The following MAPRE2 variants were observed in gnomAD, a reference collection of about 807,000 sequenced individuals.
MAPRE2 encodes the protein microtubule-associated protein RP/EB family member 2.
Under a neutral mutation model 43.2 loss-of-function variants are expected in MAPRE2, and 13 were observed. The ratio of observed to expected loss-of-function variants is 0.30; its 90% CI spans 0.20 to 0.48. The LOEUF (loss-of-function observed/expected upper bound fraction) is 0.48. Ranked by LOEUF, MAPRE2 falls within the 20% of genes least tolerant of loss-of-function variation. The pLI is 0.99. For missense variants in MAPRE2, 161 were observed against 400.2 expected, an observed-to-expected ratio of 0.40 and a Z score of 5.10; for synonymous variants, 135 against 148.8, an observed-to-expected ratio of 0.91 and a Z score of 0.68.
At chr18:35,073,748 A>G (rs1225408236) in intron 2 of MAPRE2, among the ~76,000 whole-genome samples, 1 of 152,222 alleles carries the variant, frequency 6.6e-6, no homozygotes, top group African/African-American at 2.4e-5. Flanking sequence ...GTGAAGAGCT[A>G]AAAGATTGCC....
At chr18:34,986,486 A>C (rs1477450822) in intron 1 of MAPRE2, among the ~76,000 whole-genome samples, 1 of 152,174 alleles carries the variant, frequency 6.6e-6, no homozygotes, top group African/African-American at 2.4e-5. Context: ...TTCCCGGGAA[A>C]GACGCTATTG....
chr18:35,080,549 A>C (rs1907583344), intron 2 of MAPRE2, among the ~76,000 whole-genome samples: 1 of 152,238 alleles, frequency 6.6e-6, no homozygotes, highest in African/African-American at 2.4e-5. Flanking sequence ...CTGAAATATT[A>C]GCAGGCATCT....
chr18:35,032,264 G>A (rs1469601806), intron 2 of MAPRE2, among the ~76,000 whole-genome samples: 4 of 152,254 alleles, frequency 2.6e-5, no homozygotes, highest in Admixed American at 1.3e-4. Context: ...AGGAAGCCCC[G>A]ATCTAAGGTG....
Position 35,043,135 on chromosome 18 carries a change from CT to C in MAPRE2, c.122+1477del, listed in dbSNP as rs570541790. Among the ~76,000 whole-genome samples the C allele has an allele frequency of 5.7e-4, 87 of 152,310 alleles. No individual in the cohort carries two copies. In the South Asian group the frequency reaches 6.2e-3, roughly 11 times the overall value. On this transcript the variant is annotated intron_variant, in intron 1 of 6. Transcript: ENST00000300249. ...TTCCTCCACAACTTCTGGAGATATC[CT>C]TTCAGAGACCCTGTGATTGGAAATT...
intron 2 of MAPRE2, among the ~76,000 whole-genome samples, chr18:35,075,467 G>A (rs549172712): frequency 4.3e-4 from 66 of 152,230 alleles, no homozygotes; most frequent in Non-Finnish European, 7.6e-4. Context: ...TGGCTCTCTG[G>A]TATTGAAACC....
chr18:34,991,240 C>A (rs2097023618), intron 1 of MAPRE2, among the ~76,000 whole-genome samples: 1 of 152,130 alleles, frequency 6.6e-6, no homozygotes, highest in Admixed American at 6.5e-5. Context: ...TCCCCAGTGT[C>A]CATTGTTCCC....
At chr18:35,063,142 C>T (rs1214672307) in intron 1 of MAPRE2, among the ~76,000 whole-genome samples, 2 of 151,778 alleles carry the variant, frequency 1.3e-5, no homozygotes, top group Non-Finnish European at 2.9e-5. Context: ...CTCACTCTGT[C>T]GCCCAGGCCG....
intron 2 of MAPRE2, among the ~76,000 whole-genome samples, chr18:35,091,729 T>TAA (rs561272015): frequency 7.0e-6 from 1 of 143,848 alleles, no homozygotes; most frequent in African/African-American, 2.6e-5. Context: ...CATCTGTATT[T>TAA]AAAAAAAAAA....
chr18:35,001,685 A>G (rs1603388739), intron 1 of MAPRE2, among the ~76,000 whole-genome samples: 1 of 152,158 alleles, frequency 6.6e-6, no homozygotes, highest in African/African-American at 2.4e-5. Flanking sequence ...GAACATTGGC[A>G]GTGGTTTCTG....
At chr18:34,977,609 C>T (rs938999788) in intron 1 of MAPRE2, among the ~76,000 whole-genome samples, 5 of 152,224 alleles carry the variant, frequency 3.3e-5, no homozygotes, top group Non-Finnish European at 5.9e-5. Flanking sequence ...TGGGAGCATC[C>T]CCTGGACCCC....
intron 1 of MAPRE2, among the ~76,000 whole-genome samples, chr18:35,060,660 T>TAACAA (rs1324236928): frequency 7.2e-5 from 11 of 152,216 alleles, no homozygotes; most frequent in African/African-American, 2.7e-4. Flanking sequence ...ATTGACTTGT[T>TAACAA]AAGTCTGAGT....
intron 2 of MAPRE2, among the ~76,000 whole-genome samples, chr18:35,033,330 C>G (rs2097048742): frequency 6.6e-6 from 1 of 151,928 alleles, no homozygotes; most frequent in Non-Finnish European, 1.5e-5. Flanking sequence ...GCTAAAAACT[C>G]TCAATAAATT....
At position 34,987,245 on chromosome 18, in the gene MAPRE2, G is replaced by A. The variant is rs901565939; in HGVS notation, c.-70+10166G>A. Among the ~76,000 whole-genome samples the A allele has an allele frequency of 6.6e-5, 10 of 152,142 alleles. No individual in the cohort carries two copies. The East Asian group carries it at 1.5e-3, about 23-fold the overall frequency. On this transcript the variant is annotated intron_variant, in intron 1 of 7. Coordinates refer to the MAPRE2 transcript ENST00000413393. The stretch of plus-strand genomic sequence containing the variant: ...GGGCTAACATGAGAAATCCATCAAC[G>A]ATGTCAACAGTATGTTCCTAATCAA...
chr18:35,067,685 G>A lies in MAPRE2; in HGVS notation c.123-2510G>A, dbSNP rs144628590. Among the ~76,000 whole-genome samples the A allele has an allele frequency of 3.3e-3, 504 of 152,246 alleles. 4 individuals are homozygous for A. Among genetic ancestry groups the A allele is most frequent in the African/African-American group, 0.012 (479 of 41,556 alleles). On this transcript the variant is annotated intron_variant, in intron 1 of 6. Coordinates refer to ENST00000300249, the MANE Select transcript of MAPRE2 (RefSeq NM_014268.4). ...CAGTACATTGCCCGGTAATGCAGAA[G>A]CTTTCCATTACTGCCTGAAGAAGAA...
chr18:35,131,781 G>A, intron 5 of MAPRE2: 1 of 461,240 alleles, frequency 2.2e-6, no homozygotes, highest in Non-Finnish European at 3.9e-6. Flanking sequence ...CAAGCAGAAA[G>A]ACCACTCTGT....
At chr18:35,072,123 C>A (rs1907143944) in intron 2 of MAPRE2, among the ~76,000 whole-genome samples, 1 of 152,216 alleles carries the variant, frequency 6.6e-6, no homozygotes, top group African/African-American at 2.4e-5. Context: ...TATTACTGTG[C>A]TGTTCTTGCT....
intron 2 of MAPRE2, 134 bp downstream of exon 2, chr18:35,070,456 A>G: frequency 1.4e-6 from 1 of 700,120 alleles, no homozygotes; most frequent in Non-Finnish European, 2.2e-6. Flanking sequence ...TTAAAGGGGG[A>G]AAAACTCAGA....
At chr18:35,065,535 A>T (rs893329368) in intron 1 of MAPRE2, among the ~76,000 whole-genome samples, 1 of 151,548 alleles carries the variant, frequency 6.6e-6, no homozygotes, top group African/African-American at 2.4e-5. Context: ...CACTGACCAG[A>T]TCTTTATTTT....
intron 1 of MAPRE2, among the ~76,000 whole-genome samples, chr18:35,058,887 T>C (rs1906377344): frequency 6.6e-6 from 1 of 152,180 alleles, no homozygotes; most frequent in Non-Finnish European, 1.5e-5. Flanking sequence ...AGGGAGAGTC[T>C]CAATTAAAAG....
Sources: gnomAD v4.1 joint callset for allele counts (sites outside exome capture counted in the v4.1 genomes callset) on GRCh38, gnomAD v4.1.1 for gene constraint, MANE v1.5 for transcripts, NCBI Gene and HGNC (gene_info 2026-07-23, HGNC 2026-07-21) for gene names.